The following RYR2 variants were observed in gnomAD, a reference collection of about 807,000 sequenced individuals.
The protein encoded by RYR2 is cardiac muscle ryanodine receptor-calcium release channel.
In RYR2, 227 loss-of-function variants were observed where a neutral mutation model predicts 601.1. The ratio of observed to expected loss-of-function variants is 0.38; its 90% CI spans 0.34 to 0.42. The LOEUF is 0.42. Among genes scored for constraint, RYR2 ranks in the 10% least tolerant of loss-of-function variants. RYR2 has a pLI of 1.00. For synonymous variants in RYR2, 2,223 were observed against 2,175.1 expected (o/e 1.02, Z -0.61); for missense variants, 4,646 against 6,156.5 (o/e 0.75, Z 8.21).
At chr1:237,270,762 G>A (rs1187285058) in intron 2 of RYR2, 146 bp downstream of exon 2, 1 of 915,342 alleles carries the variant, frequency 1.1e-6, no homozygotes, top group Non-Finnish European at 1.6e-6. Context: ...CCATTTTGCT[G>A]ATTTTTAATT....
intron 17 of RYR2, among the ~76,000 whole-genome samples, chr1:237,473,474 T>TTTCTTTCTTTCTTTCTTTCTTTCTTC (rs1553464743): frequency 2.7e-5 from 4 of 150,408 alleles, no homozygotes; most frequent in Admixed American, 2.0e-4. Context: ...TCTATCTATC[T>TTTCTTTCTTTCTTTCTTTCTTTCTTC]ATCTGGCATA....
At chr1:237,726,961 T>C in intron 75 of RYR2, 126 bp from the exon 76 acceptor site, 1 of 586,266 alleles carries the variant, frequency 1.7e-6, no homozygotes, top group Non-Finnish European at 3.1e-6. Flanking sequence ...GAATTCCAAA[T>C]ATAGATTACT....
intron 3 of RYR2, among the ~76,000 whole-genome samples, chr1:237,337,471 T>C (rs1189095776): frequency 1.3e-5 from 2 of 152,204 alleles, no homozygotes; most frequent in Non-Finnish European, 2.9e-5. Context: ...TATTATCTCA[T>C]AGTGGTTAAA....
At chr1:237,453,480 A>G (rs1460336826) in intron 14 of RYR2, among the ~76,000 whole-genome samples, 3 of 152,138 alleles carry the variant, frequency 2.0e-5, no homozygotes, top group African/African-American at 7.2e-5. Context: ...TAGTCAGAAA[A>G]TTAGTCAGAA....
At chr1:237,427,722 G>A (rs2150079783) in intron 12 of RYR2, among the ~76,000 whole-genome samples, 1 of 141,960 alleles carries the variant, frequency 7.0e-6, no homozygotes, top group East Asian at 2.1e-4. Flanking sequence ...GGCAGAGGTT[G>A]CAGTGAGCCT....
chr1:237,394,492 A>G (rs1224119346), intron 10 of RYR2, among the ~76,000 whole-genome samples: 1 of 152,188 alleles, frequency 6.6e-6, no homozygotes, highest in Non-Finnish European at 1.5e-5. Context: ...TACTAGGAAG[A>G]GACTCCTGAC....
chr1:237,631,290 T>G, intron 41 of RYR2, 137 bp from the exon 42 acceptor site: 1 of 599,790 alleles, frequency 1.7e-6, no homozygotes, highest in Non-Finnish European at 2.9e-6. Context: ...TTCATTAATT[T>G]TTGTGGCTTA....
intron 1 of RYR2, among the ~76,000 whole-genome samples, chr1:237,234,967 G>A (rs1182339761): frequency 2.0e-5 from 3 of 151,934 alleles, no homozygotes; most frequent in Admixed American, 6.6e-5. Flanking sequence ...TATTGTTAAT[G>A]ATAGAAGTCT....
rs1445796507 is a variant in RYR2, at chr1:237,590,684, G to T, written c.3852G>T (p.Lys1284Asn). ...DGTIDSSPCLKVTQKSFGSQN... is the reference protein window; with the variant it reads ...DGTIDSSPCLNVTQKSFGSQN... The stretch of plus-strand genomic sequence containing the variant: ...CCATAGACAGTTCCCCATGTTTAAA[G>T]GTCACTCAGAAGTCTTTTGGTTCTC... The change falls in exon 31 of 105, where the codon AAG (lysine) becomes AAT (asparagine). Residue 1284 changes from lysine (K) to asparagine (N), a missense_variant. Transcript: ENST00000366574. The T allele has an allele frequency of 1.3e-6, 2 of 1,579,554 alleles. No homozygotes were observed. The highest frequency in any genetic ancestry group is 1.7e-6 in the Non-Finnish European group (2 of 1,161,114).
In RYR2 at chr1:237,633,678, G is replaced by A. The variant is rs774615963; in HGVS notation, c.6656G>A (p.Ser2219Asn). ...CAAAAAGCTATGTTTGATCATCTCA[G>A]TTATTTACTGGAAAACAGCAGTGTT... ...QNQKAMFDHL[S>N]YLLENSSVGL... The change falls in exon 43 of 105, where the codon AGT (serine) becomes AAT (asparagine). Residue 2219 changes from serine (S) to asparagine (N), a missense_variant. Physicochemically the swap from Ser to Asn is conservative, Grantham distance 46. This residue lies in a region of RYR2 where 137 missense variants were observed against 273.6 expected (regional missense o/e 0.50). Transcript: ENST00000366574. The A allele has an allele frequency of 1.2e-6, 2 of 1,613,662 alleles. No individual in the cohort carries two copies. The highest frequency in any genetic ancestry group is 1.7e-6 in the Non-Finnish European group (2 of 1,179,674).
At chr1:237,094,745 C>A (rs1667337010) in intron 1 of RYR2, among the ~76,000 whole-genome samples, 1 of 152,138 alleles carries the variant, frequency 6.6e-6, no homozygotes, top group Non-Finnish European at 1.5e-5. Context: ...GCGCCCACCA[C>A]CATGCCCAGC....
chr1:237,689,997 A>G (rs1686796989), intron 63 of RYR2, among the ~76,000 whole-genome samples: 1 of 152,054 alleles, frequency 6.6e-6, no homozygotes, highest in Non-Finnish European at 1.5e-5. Context: ...GGCACACGCC[A>G]CCACACACGG....
At chr1:237,707,969 A>G (rs1231480824) in intron 68 of RYR2, among the ~76,000 whole-genome samples, 1 of 131,538 alleles carries the variant, frequency 7.6e-6, no homozygotes, top group Non-Finnish European at 1.6e-5. Flanking sequence ...TTTAGTAGAG[A>G]TGGGGTTTCA....
chr1:237,759,754 G>A (rs748889795), intron 82 of RYR2, 22 bp from the exon 83 acceptor site: 1 of 1,508,540 alleles, frequency 6.6e-7, no homozygotes, highest in Non-Finnish European at 9.2e-7. Flanking sequence ...CAGTGGCCAC[G>A]TGGTTTCTAT....
chr1:237,286,523 T>G (rs1691578038), intron 2 of RYR2, among the ~76,000 whole-genome samples: 1 of 20,564 alleles, frequency 4.9e-5, no homozygotes, highest in South Asian at 3.3e-3. Flanking sequence ...ATCTGTTAAG[T>G]CCATTTCTTC....
At chr1:237,226,509 A>G (rs938609717) in intron 1 of RYR2, among the ~76,000 whole-genome samples, 5 of 152,162 alleles carry the variant, frequency 3.3e-5, no homozygotes, top group African/African-American at 1.2e-4. Context: ...TCTCAAACCA[A>G]TTTAGAGAGC....
intron 62 of RYR2, among the ~76,000 whole-genome samples, chr1:237,681,899 G>C (rs1163235779): frequency 5.9e-5 from 9 of 152,200 alleles, no homozygotes; most frequent in Admixed American, 4.6e-4. Flanking sequence ...AGGACACGTT[G>C]AAGTCTCCTA....
Position 237,654,309 on chromosome 1 carries a change from T to TTAC in RYR2, c.7862_7864dup (p.Tyr2621dup). On this transcript the variant is annotated inframe_insertion, in exon 52 of 105. Transcript: ENST00000366574. The stretch of plus-strand genomic sequence containing the variant: ...ATCATTATGAAAGATGCTGGAAATA[T>TTAC]TACTGCCTGCCTGGAGGGTGGGGAA... 1 of 1,613,972 alleles carries TTAC rather than the reference T, an allele frequency of 6.2e-7. No homozygotes were observed. The highest frequency in any genetic ancestry group is 8.5e-7 in the Non-Finnish European group (1 of 1,179,866).
intron 2 of RYR2, among the ~76,000 whole-genome samples, chr1:237,305,643 G>C (rs1431574478): frequency 1.3e-5 from 2 of 152,172 alleles, no homozygotes; most frequent in African/African-American, 2.4e-5. Context: ...TGTTGCTTGG[G>C]CTGGTCTTGA....
Sources: allele counts gnomAD v4.1 joint callset (sites outside exome capture counted in the v4.1 genomes callset), GRCh38; gene constraint gnomAD v4.1.1; regional missense constraint gnomAD v4.1.1; transcripts MANE v1.5; gene names NCBI Gene and HGNC (gene_info 2026-07-23, HGNC 2026-07-21).